The following ARID2 variants were observed in gnomAD, a reference collection of about 807,000 sequenced individuals.
ARID2 encodes the protein AT-rich interaction domain 2, also known as AT-rich interactive domain-containing protein 2.
In ARID2, 32 loss-of-function variants were observed where a neutral mutation model predicts 184.6. That is an observed-to-expected ratio of 0.17 (90% confidence interval 0.13 to 0.23). The LOEUF (loss-of-function observed/expected upper bound fraction) is 0.23. Among genes scored for constraint, ARID2 ranks in the 10% least tolerant of loss-of-function variants. The probability of loss-of-function intolerance (pLI) is 1.00; values close to 1 mark genes in which losing one functional copy is unlikely to be tolerated. For missense variants in ARID2, 1,696 were observed against 2,197.6 expected, an observed-to-expected ratio of 0.77 and a Z score of 4.56; for synonymous variants, 836 against 772.6, an observed-to-expected ratio of 1.08 and a Z score of -1.36.
Position 45,850,850 on chromosome 12 carries a change from A to G in ARID2, c.2727A>G (p.Thr909=), listed in dbSNP as rs201992944. The change falls in exon 15 of 21, where the codon ACA becomes ACG. Residue 909 remains threonine, a synonymous_variant. Transcript: ENST00000334344. The part of the protein sequence containing the change: ...KPLPSQQVSS[T]VVQQPIQQPQ... ...TCCCTTCTCAGCAAGTTTCATCTAC[A>G]GTGGTACAGCAGCCTATTCAACAAC... 4 of 1,614,146 alleles carry G rather than the reference A, an allele frequency of 2.5e-6. No homozygotes were observed. The highest frequency in any genetic ancestry group is 1.7e-6 in the Non-Finnish European group (2 of 1,180,026).
intron 3 of ARID2, among the ~76,000 whole-genome samples, chr12:45,743,958 T>A (rs1359472930): frequency 2.0e-5 from 3 of 152,200 alleles, no homozygotes; most frequent in Non-Finnish European, 2.9e-5. Flanking sequence ...TCTAACCTGC[T>A]GCCTTACTAA....
chr12:45,822,759 G>T (rs1942922721), intron 6 of ARID2, among the ~76,000 whole-genome samples: 1 of 151,940 alleles, frequency 6.6e-6, no homozygotes, highest in South Asian at 2.1e-4. Context: ...TGAAACAAGG[G>T]ATCAATACAG....
intron 6 of ARID2, among the ~76,000 whole-genome samples, chr12:45,828,952 TG>T (rs1943057440): frequency 6.6e-6 from 1 of 152,034 alleles, no homozygotes; most frequent in Non-Finnish European, 1.5e-5. Flanking sequence ...TCAATTTTTC[TG>T]GAAGTTGGCC....
chr12:45,885,366 T>TA (rs557778100), intron 16 of ARID2, among the ~76,000 whole-genome samples: 113 of 152,264 alleles, frequency 7.4e-4, no homozygotes, highest in African/African-American at 2.6e-3. Context: ...CATATACATT[T>TA]ATGTGCATTT....
intron 20 of ARID2, among the ~76,000 whole-genome samples, chr12:45,904,046 CTT>C (rs984320977): frequency 6.6e-6 from 1 of 151,674 alleles, no homozygotes; most frequent in Non-Finnish European, 1.5e-5. Context: ...CCCAGCATCC[CTT>C]TTTTTTAGCT....
At chr12:45,741,280 C>A (rs1324793383) in intron 3 of ARID2, among the ~76,000 whole-genome samples, 1 of 152,138 alleles carries the variant, frequency 6.6e-6, no homozygotes. Flanking sequence ...CTCATTGCAG[C>A]CTTGACCTTC....
At chr12:45,843,247 A>G (rs1217266901) in intron 11 of ARID2, among the ~76,000 whole-genome samples, 3 of 152,110 alleles carry the variant, frequency 2.0e-5, no homozygotes, top group Non-Finnish European at 4.4e-5. Context: ...AACCTGATAT[A>G]TTCAAGAAGT....
At position 45,905,006 on chromosome 12, in the gene ARID2, C is replaced by T. The variant is rs1460861348; in HGVS notation, c.5436C>T (p.Ala1812=). Residue 1812 remains alanine, a synonymous_variant, in exon 21 of 21, where the codon GCC becomes GCT. Transcript: ENST00000334344. ...ACATGGAAGCTTCCTCCACCCTTGC[C>T]AAATGCCTTTATGAACTTAATTTTA... ...ISNMEASSTL[A]KCLYELNFTV... The T allele has an allele frequency of 1.9e-6, 3 of 1,613,922 alleles. No homozygotes were observed. Among genetic ancestry groups the T allele is most frequent in the South Asian group, 2.2e-5 (2 of 91,078 alleles).
At chr12:45,892,746 GCAC>G (rs1166032537) in intron 18 of ARID2, among the ~76,000 whole-genome samples, 1 of 152,028 alleles carries the variant, frequency 6.6e-6, no homozygotes, top group African/African-American at 2.4e-5. Context: ...AGATAATGAT[GCAC>G]TATATCTGCT....
At chr12:45,862,166 G>T (rs1228044722) in intron 16 of ARID2, among the ~76,000 whole-genome samples, 1 of 150,998 alleles carries the variant, frequency 6.6e-6, no homozygotes, top group East Asian at 1.9e-4. Flanking sequence ...CATTTTAGTA[G>T]GTTTTTGTTT....
At chr12:45,816,939 A>G (rs1159148919) in intron 4 of ARID2, among the ~76,000 whole-genome samples, 1 of 152,248 alleles carries the variant, frequency 6.6e-6, no homozygotes, top group Non-Finnish European at 1.5e-5. Context: ...CTATATCTTG[A>G]CTGTGATGAT....
At chr12:45,886,309 C>T (rs915794848) in intron 16 of ARID2, among the ~76,000 whole-genome samples, 2 of 152,224 alleles carry the variant, frequency 1.3e-5, no homozygotes, top group African/African-American at 4.8e-5. Context: ...ACCCTGGTCA[C>T]GCTGATGCAC....
chr12:45,881,888 TG>T, intron 16 of ARID2: 1 of 211,018 alleles, frequency 4.7e-6, no homozygotes, highest in South Asian at 8.3e-5. Context: ...GTCTGGGATC[TG>T]GGGAGGTTTT....
chr12:45,731,192 G>C (rs189047856), intron 2 of ARID2, 25 bp from the exon 3 acceptor site: 1 of 1,527,246 alleles, frequency 6.5e-7, no homozygotes, highest in South Asian at 1.1e-5. Context: ...TTCACGTTCA[G>C]ACAACTGTGC....
At chr12:45,838,774 T>A (rs1043232950) in intron 10 of ARID2, among the ~76,000 whole-genome samples, 3 of 150,748 alleles carry the variant, frequency 2.0e-5, no homozygotes, top group African/African-American at 2.5e-5. Context: ...CAAAAAAAAA[T>A]ATATAGATAG....
chr12:45,758,354 TGAC>T (rs1247364886), intron 3 of ARID2, among the ~76,000 whole-genome samples: 1 of 152,134 alleles, frequency 6.6e-6, no homozygotes. Context: ...TAAAACATTA[TGAC>T]ATTTTTTTTT....
chr12:45,852,942 G>A (rs2138182439), intron 15 of ARID2, 46 bp downstream of exon 15: 2 of 1,485,834 alleles, frequency 1.3e-6, no homozygotes, highest in Non-Finnish European at 1.8e-6. Context: ...TTTCTGATCT[G>A]TAAATACAAT....
intron 16 of ARID2, among the ~76,000 whole-genome samples, chr12:45,878,706 T>C (rs1283176606): frequency 6.6e-6 from 1 of 152,182 alleles, no homozygotes; most frequent in African/African-American, 2.4e-5. Flanking sequence ...TGTCAAAATT[T>C]GTGTGATATC....
At chr12:45,755,349 A>C (rs1246310258) in intron 3 of ARID2, among the ~76,000 whole-genome samples, 1 of 152,200 alleles carries the variant, frequency 6.6e-6, no homozygotes, top group African/African-American at 2.4e-5. Flanking sequence ...AGTGGCAGGA[A>C]TGGCAAACAC....
Sources: allele counts gnomAD v4.1 joint callset (sites outside exome capture counted in the v4.1 genomes callset), GRCh38; gene constraint gnomAD v4.1.1; transcripts MANE v1.5; gene names NCBI Gene and HGNC (gene_info 2026-07-23, HGNC 2026-07-21).